SGCD: variants seen among roughly 807,000 people sequenced by gnomAD.
SGCD encodes delta-sarcoglycan.
In SGCD, 18 loss-of-function variants were observed where a neutral mutation model predicts 36.6. The observed-to-expected ratio is 0.49, with a 90% CI of 0.34 to 0.73. SGCD has a LOEUF of 0.73. SGCD is among the 30% of genes least tolerant of loss of function. The probability of loss-of-function intolerance (pLI) is 0.01; values close to 1 mark genes in which losing one functional copy is unlikely to be tolerated. For missense variants in SGCD, 387 were observed against 346.7 expected, an observed-to-expected ratio of 1.12 and a Z score of -0.92; for synonymous variants, 133 against 130.6, an observed-to-expected ratio of 1.02 and a Z score of -0.12.
At chr5:156,180,453 A>T (rs1456119763) in intron 3 of SGCD, among the ~76,000 whole-genome samples, 1 of 152,108 alleles carries the variant, frequency 6.6e-6, no homozygotes, top group Non-Finnish European at 1.5e-5. Context: ...GTAGATAAAA[A>T]CATTTTAAAC....
At chr5:156,538,780 C>T (rs1042675149) in intron 4 of SGCD, among the ~76,000 whole-genome samples, 5 of 152,198 alleles carry the variant, frequency 3.3e-5, no homozygotes, top group African/African-American at 7.2e-5. Flanking sequence ...AACAGAGGCA[C>T]ACCCTCTCCT....
chr5:156,733,527 C>G (rs1756188762), intron 7 of SGCD, among the ~76,000 whole-genome samples: 1 of 152,000 alleles, frequency 6.6e-6, no homozygotes, highest in African/African-American at 2.4e-5. Context: ...AGATAACTAT[C>G]AGGTCCGTGT....
At chr5:155,732,979 G>GAA in the SGCD span, among the ~76,000 whole-genome samples, 3 of 149,856 alleles carry the variant, frequency 2.0e-5, no homozygotes, top group Admixed American at 2.0e-4. Context: ...AGCTCTTTGA[G>GAA]AAGTATAGCA....
At chr5:155,957,346 C>G (rs1757684750) in intron 1 of SGCD, among the ~76,000 whole-genome samples, 1 of 152,052 alleles carries the variant, frequency 6.6e-6, no homozygotes, top group Admixed American at 6.6e-5. Context: ...GCTGCCCCCA[C>G]CAAGGTCACA....
In SGCD at chr5:156,049,734, G is replaced by A. The variant is rs560663693; in HGVS notation, c.-281-68144G>A. Among the ~76,000 whole-genome samples, 156 of 146,766 alleles carry A rather than the reference G, an allele frequency of 1.1e-3. 21 individuals are homozygous for A. In the South Asian group the frequency reaches 0.023, roughly 22 times the overall value. ...CTTCTAGATGCCATTAAGAACATTTGTGATTCATGAAAAGAGGTCCAAAGA... is the reference window on the plus strand; with the variant it reads ...CTTCTAGATGCCATTAAGAACATTTATGATTCATGAAAAGAGGTCCAAAGA... On this transcript the variant is annotated intron_variant, in intron 1 of 9. Transcript: ENST00000517913.
intron 3 of SGCD, among the ~76,000 whole-genome samples, chr5:156,316,806 G>A (rs1767528940): frequency 6.6e-6 from 1 of 152,074 alleles, no homozygotes; most frequent in South Asian, 2.1e-4. Flanking sequence ...AAAGATTAAA[G>A]AGTACATTGT....
chr5:156,229,966 A>G (rs1290917518), intron 3 of SGCD, among the ~76,000 whole-genome samples: 4 of 152,146 alleles, frequency 2.6e-5, no homozygotes, highest in African/African-American at 9.7e-5. Flanking sequence ...GAGACTTTAC[A>G]GTGCATTTTG....
intron 3 of SGCD, among the ~76,000 whole-genome samples, chr5:156,499,933 C>T (rs1190280198): frequency 6.6e-6 from 1 of 152,060 alleles, no homozygotes; most frequent in Non-Finnish European, 1.5e-5. Context: ...TATTTCTCAA[C>T]TTTAAAAAAA....
At chr5:156,233,910 GT>G (rs141423430) in intron 3 of SGCD, among the ~76,000 whole-genome samples, 8 of 151,902 alleles carry the variant, frequency 5.3e-5, no homozygotes, top group African/African-American at 1.9e-4. Flanking sequence ...TTTTTGTTTT[GT>G]TTTTTTAAAA....
chr5:155,938,368 C>T (rs1757259079), intron 1 of SGCD, among the ~76,000 whole-genome samples: 1 of 152,166 alleles, frequency 6.6e-6, no homozygotes, highest in African/African-American at 2.4e-5. Flanking sequence ...TTGAATTTTT[C>T]ATCTGACAGC....
At chr5:155,761,416 C>T in the SGCD span, among the ~76,000 whole-genome samples, 1 of 149,224 alleles carries the variant, frequency 6.7e-6, no homozygotes, top group Non-Finnish European at 1.5e-5. Context: ...TCTCCATCAT[C>T]CTCTCTATCA....
intron 1 of SGCD, among the ~76,000 whole-genome samples, chr5:156,068,668 T>C (rs1760421033): frequency 6.6e-6 from 1 of 151,866 alleles, no homozygotes; most frequent in South Asian, 2.1e-4. Flanking sequence ...AAATGGTATT[T>C]CTAGTTCTAG....
chr5:156,512,810 A>G (rs990852652), intron 4 of SGCD, among the ~76,000 whole-genome samples: 6 of 152,154 alleles, frequency 3.9e-5, no homozygotes, highest in African/African-American at 1.4e-4. Flanking sequence ...CATTTCCTAG[A>G]ACTTTATATA....
At position 156,487,813 on chromosome 5, in the gene SGCD, A is replaced by AAAAAAAAAAAAAAAAAAAAAAAAAAG. The variant is rs1554107842; in HGVS notation, c.193-20785_193-20784insAAAAAAAAAAAAAAAAAAAAAAGAAA. Among the ~76,000 whole-genome samples the AAAAAAAAAAAAAAAAAAAAAAAAAAG allele has an allele frequency of 5.3e-4, 41 of 77,804 alleles. 2 individuals carry two copies. The highest frequency in any genetic ancestry group is 6.7e-4 in the Non-Finnish European group (27 of 40,096). 51.0% of individuals were successfully genotyped at this position (77,804 alleles called of 152,430 possible). A position where few individuals can be genotyped will look rare whatever the true frequency, so the allele number is the denominator to read the frequency against. On this transcript the variant is annotated intron_variant, in intron 3 of 8. Transcript: ENST00000337851. ...CAAAAAAAAAAAAAAAAAAAAAAAAAAAAGAAAGAAAGAAAAAGCTTAACA... is the reference window on the plus strand; with the variant it reads ...CAAAAAAAAAAAAAAAAAAAAAAAAAAAAAAAAAAAAAAAAAAAAAAAAAAGAAAGAAAGAAAGAAAAAGCTTAACA...
chr5:156,447,278 A>C (rs761714657), intron 3 of SGCD, among the ~76,000 whole-genome samples: 7 of 152,196 alleles, frequency 4.6e-5, no homozygotes, highest in Admixed American at 1.3e-4. Context: ...TAAAATTTCT[A>C]ATCAGTGACT....
chr5:156,636,798 C>T (rs1762840384), intron 6 of SGCD, among the ~76,000 whole-genome samples: 1 of 152,182 alleles, frequency 6.6e-6, no homozygotes, highest in African/African-American at 2.4e-5. Flanking sequence ...TTTTGGTCAA[C>T]TGGCTTACTA....
chr5:155,820,309 T>C, the SGCD span, among the ~76,000 whole-genome samples: 2 of 152,114 alleles, frequency 1.3e-5, no homozygotes, highest in Admixed American at 1.3e-4. Flanking sequence ...ACAGGCAGAA[T>C]TGGAAAGAAA....
chr5:155,990,245 A>G (rs1463848176), intron 1 of SGCD, among the ~76,000 whole-genome samples: 1 of 152,174 alleles, frequency 6.6e-6, no homozygotes, highest in African/African-American at 2.4e-5. Flanking sequence ...GCTGTTTTGT[A>G]CAAAAACATA....
the SGCD span, among the ~76,000 whole-genome samples, chr5:155,751,759 CA>C: frequency 6.6e-6 from 1 of 151,466 alleles, no homozygotes; most frequent in African/African-American, 2.4e-5. Flanking sequence ...TTTGCTCAAA[CA>C]AGAACCAACG....
Sources: allele counts gnomAD v4.1 joint callset (sites outside exome capture counted in the v4.1 genomes callset), GRCh38; gene constraint gnomAD v4.1.1; transcripts MANE v1.5; gene names NCBI Gene and HGNC (gene_info 2026-07-23, HGNC 2026-07-21).